The following DRC11 variants were observed in gnomAD, a reference collection of about 807,000 sequenced individuals.
DRC11 encodes IQ and AAA domain-containing protein 1.
the DRC11 span, among the ~76,000 whole-genome samples, chr2:236,464,276 G>A: frequency 1.5e-4 from 23 of 152,220 alleles, no homozygotes; most frequent in South Asian, 3.1e-3. Flanking sequence ...TTTTTCTATT[G>A]CCAACATTTA....
chr2:236,478,788 C>G, the DRC11 span, among the ~76,000 whole-genome samples: 2 of 149,590 alleles, frequency 1.3e-5, no homozygotes, highest in South Asian at 2.1e-4. The surrounding 1 kb of genome is among the most constrained non-coding windows in gnomAD (Gnocchi z 5.9). Context: ...TATATAGTAG[C>G]CTTTTTGGGT....
At chr2:236,325,976 T>A in the DRC11 span, among the ~76,000 whole-genome samples, 2 of 152,228 alleles carry the variant, frequency 1.3e-5, no homozygotes, top group Non-Finnish European at 2.9e-5. This position sits in a 1 kb window ranked among gnomAD's most constrained non-coding sequence, Gnocchi z 4.4. Context: ...ATTAGGCAGA[T>A]AGTTGTTTTT....
chr2:236,408,986 G>A, the DRC11 span: 1 of 708,994 alleles, frequency 1.4e-6, no homozygotes, highest in Non-Finnish European at 2.6e-6. The surrounding 1 kb of genome is among the most constrained non-coding windows in gnomAD (Gnocchi z 5.5). Context: ...CCTTAGGGCA[G>A]CTCTTCACCT....
the DRC11 span, among the ~76,000 whole-genome samples, chr2:236,459,637 G>GTATACGTATACA: frequency 8.0e-6 from 1 of 125,738 alleles, no homozygotes; most frequent in Non-Finnish European, 1.8e-5. Context: ...ACGTATATAC[G>GTATACGTATACA]TATATACGTA....
chr2:236,401,411 G>A, the DRC11 span, among the ~76,000 whole-genome samples: 53 of 152,248 alleles, frequency 3.5e-4, no homozygotes, highest in African/African-American at 1.1e-3. This position sits in a 1 kb window ranked among gnomAD's most constrained non-coding sequence, Gnocchi z 4.6. Context: ...AGAACAGCCC[G>A]CTTTTCCCAC....
chr2:236,407,116 T>C, the DRC11 span, among the ~76,000 whole-genome samples: 1 of 152,216 alleles, frequency 6.6e-6, no homozygotes, highest in Non-Finnish European at 1.5e-5. Flanking sequence ...GCGACAGCAC[T>C]AGGGAATCAA....
chr2:236,363,746 AG>A, the DRC11 span: 1 of 1,457,930 alleles, frequency 6.9e-7, no homozygotes, highest in Non-Finnish European at 9.6e-7. The surrounding 1 kb of genome is among the most constrained non-coding windows in gnomAD (Gnocchi z 5.6). Context: ...TGAAAGAGGG[AG>A]GAGAGTTGGA....
chr2:236,392,423 A>C, the DRC11 span: 1 of 767,678 alleles, frequency 1.3e-6, no homozygotes, highest in East Asian at 2.7e-5. The surrounding 1 kb of genome is among the most constrained non-coding windows in gnomAD (Gnocchi z 5.1). Context: ...AAATTTTAAA[A>C]AGACGTAGGT....
At chr2:236,348,964 T>G in the DRC11 span, among the ~76,000 whole-genome samples, 3 of 152,060 alleles carry the variant, frequency 2.0e-5, no homozygotes, top group Non-Finnish European at 4.4e-5. This position sits in a 1 kb window ranked among gnomAD's most constrained non-coding sequence, Gnocchi z 7.4. Flanking sequence ...CCCCACATGG[T>G]GCCTGCCTAC....
At chr2:236,461,444 C>A in the DRC11 span, among the ~76,000 whole-genome samples, 4 of 152,228 alleles carry the variant, frequency 2.6e-5, no homozygotes. This position sits in a 1 kb window ranked among gnomAD's most constrained non-coding sequence, Gnocchi z 4.0. Flanking sequence ...TGCACAAAAT[C>A]ATCCCAAGTA....
the DRC11 span, among the ~76,000 whole-genome samples, chr2:236,467,667 G>T: frequency 2.0e-5 from 3 of 152,234 alleles, no homozygotes; most frequent in Admixed American, 2.0e-4. Flanking sequence ...CTGGAGTAAA[G>T]AAATGTCCAA....
the DRC11 span, among the ~76,000 whole-genome samples, chr2:236,381,046 T>C: frequency 6.6e-6 from 1 of 152,158 alleles, no homozygotes; most frequent in African/African-American, 2.4e-5. This position sits in a 1 kb window ranked among gnomAD's most constrained non-coding sequence, Gnocchi z 5.8. Context: ...AGTTGAAGCC[T>C]ACCCCCAAGG....
At chr2:236,499,645 G>A in the DRC11 span, among the ~76,000 whole-genome samples, 360 of 152,254 alleles carry the variant, frequency 2.4e-3, 1 homozygote, top group African/African-American at 8.4e-3. This position sits in a 1 kb window ranked among gnomAD's most constrained non-coding sequence, Gnocchi z 4.7. Context: ...GGCCAGGCTG[G>A]TCTCGAACTC....
the DRC11 span, among the ~76,000 whole-genome samples, chr2:236,493,010 A>T: frequency 6.6e-6 from 1 of 152,232 alleles, no homozygotes; most frequent in Non-Finnish European, 1.5e-5. Flanking sequence ...CCGTTTTCAC[A>T]CTGCTGATAA....
chr2:236,357,506 T>C, the DRC11 span, among the ~76,000 whole-genome samples: 1 of 127,328 alleles, frequency 7.9e-6, no homozygotes, highest in Admixed American at 8.4e-5. Flanking sequence ...CATATTTACA[T>C]ATTATAAATA....
At chr2:236,506,676 A>G in the DRC11 span, among the ~76,000 whole-genome samples, 1 of 152,240 alleles carries the variant, frequency 6.6e-6, no homozygotes, top group African/African-American at 2.4e-5. This position sits in a 1 kb window ranked among gnomAD's most constrained non-coding sequence, Gnocchi z 4.9. Context: ...AGCGGTTAGA[A>G]CAGTGTCTAC....
chr2:236,366,229 G>A, the DRC11 span, among the ~76,000 whole-genome samples: 34 of 152,212 alleles, frequency 2.2e-4, no homozygotes, highest in East Asian at 5.6e-3. Context: ...AGGTGGTTTC[G>A]GAGTCTAAGC....
At chr2:236,459,547 G>A in the DRC11 span, among the ~76,000 whole-genome samples, 3 of 117,532 alleles carry the variant, frequency 2.6e-5, no homozygotes, top group African/African-American at 1.0e-4. Context: ...ATACGTATAC[G>A]TATACATGTA....
chr2:236,407,938 C>T, the DRC11 span: 10 of 523,324 alleles, frequency 1.9e-5, no homozygotes, highest in South Asian at 1.4e-4. Context: ...GGTCTGGGAG[C>T]AGCCATGGCC....
Sources: gnomAD v4.1 joint callset for allele counts (sites outside exome capture counted in the v4.1 genomes callset) on GRCh38, gnomAD v4.1.1 for gene constraint, Gnocchi (gnomAD v3.1) non-coding constraint, MANE v1.5 for transcripts, NCBI Gene and HGNC (gene_info 2026-07-23, HGNC 2026-07-21) for gene names.